Variants in DGKG observed in about 807,000 individuals in gnomAD.
DGKG encodes DAG kinase gamma.
A neutral mutation model predicts 105.3 loss-of-function variants in DGKG; 78 were observed. That is an observed-to-expected ratio of 0.74 (90% CI 0.62 to 0.89). DGKG has a LOEUF of 0.89. DGKG is among the 40% of genes least tolerant of loss of function. The probability of loss-of-function intolerance (pLI) is 0.00; values close to 1 mark genes in which losing one functional copy is unlikely to be tolerated. For missense variants in DGKG, 958 were observed against 1,020.1 expected (o/e 0.94, Z 0.83); for synonymous variants, 346 against 367.1 (o/e 0.94, Z 0.66).
chr3:186,282,564 G>C (rs1418705404), intron 7 of DGKG, among the ~76,000 whole-genome samples: 1 of 152,186 alleles, frequency 6.6e-6, no homozygotes, highest in African/African-American at 2.4e-5. Flanking sequence ...CCAGGCTGGA[G>C]TGCAGTGGCG....
intron 1 of DGKG, among the ~76,000 whole-genome samples, chr3:186,350,207 A>T (rs1726561505): frequency 6.6e-6 from 1 of 152,158 alleles, no homozygotes; most frequent in Non-Finnish European, 1.5e-5. Flanking sequence ...GAACTTTTTC[A>T]TCTTGCAAAA....
intron 20 of DGKG, among the ~76,000 whole-genome samples, chr3:186,221,903 G>C (rs1719601039): frequency 6.6e-6 from 1 of 152,234 alleles, no homozygotes; most frequent in Non-Finnish European, 1.5e-5. Flanking sequence ...GCTGAGCTCT[G>C]CCGGCCCCCA....
intron 19 of DGKG, among the ~76,000 whole-genome samples, chr3:186,245,303 A>G (rs1720887777): frequency 6.6e-6 from 1 of 152,168 alleles, no homozygotes; most frequent in African/African-American, 2.4e-5. Flanking sequence ...ACAAAGTAGC[A>G]AGGGAGAGTA....
intron 21 of DGKG, among the ~76,000 whole-genome samples, chr3:186,206,596 C>A (rs1281741633): frequency 2.0e-5 from 3 of 151,952 alleles, no homozygotes; most frequent in Non-Finnish European, 1.5e-5. Context: ...CTCGCCCCAC[C>A]CCCCACCTGC....
In DGKG at chr3:186,357,261, A is replaced by T. The variant is rs562345675; in HGVS notation, c.-249+4685T>A. On this transcript the variant is annotated intron_variant, in intron 1 of 24. Coordinates refer to ENST00000265022, the MANE Select transcript of DGKG (RefSeq NM_001346.3). ...CTGAGCAAAATTTTGCACTCTTGAT[A>T]TGTGATTCAGAGTCATAAATTATAC... is the stretch of plus-strand genomic sequence containing the variant. Among the ~76,000 whole-genome samples the T allele has an allele frequency of 4.6e-5, 7 of 152,230 alleles. No homozygotes were observed. The East Asian group carries it at 1.4e-3, about 29-fold the overall frequency.
intron 3 of DGKG, among the ~76,000 whole-genome samples, chr3:186,299,518 G>C (rs1334590376): frequency 6.6e-6 from 1 of 152,192 alleles, no homozygotes; most frequent in Non-Finnish European, 1.5e-5. Flanking sequence ...GCTGGACAGA[G>C]GCTCTTACCA....
intron 22 of DGKG, among the ~76,000 whole-genome samples, chr3:186,169,926 GGTGA>G (rs1716741817): frequency 6.6e-6 from 1 of 152,200 alleles, no homozygotes; most frequent in Non-Finnish European, 1.5e-5. Context: ...AAAGGGAGAA[GGTGA>G]GTAAGAGACT....
chr3:186,346,219 T>G (rs904909118), intron 1 of DGKG, among the ~76,000 whole-genome samples: 2 of 152,260 alleles, frequency 1.3e-5, no homozygotes, highest in Non-Finnish European at 2.9e-5. Flanking sequence ...TTGCAGCTAG[T>G]GAATTTTAAT....
intron 20 of DGKG, among the ~76,000 whole-genome samples, chr3:186,232,281 C>A (rs1006940256): frequency 6.6e-6 from 1 of 152,196 alleles, no homozygotes; most frequent in Non-Finnish European, 1.5e-5. Flanking sequence ...CCCTTCATAA[C>A]CTATAAATGC....
intron 23 of DGKG, among the ~76,000 whole-genome samples, chr3:186,163,871 T>A (rs553561032): frequency 6.6e-6 from 1 of 152,112 alleles, no homozygotes; most frequent in South Asian, 2.1e-4. Flanking sequence ...GCCTCAAGAA[T>A]TAATCTGGAA....
intron 20 of DGKG, among the ~76,000 whole-genome samples, chr3:186,213,922 A>C (rs1220175840): frequency 6.6e-6 from 1 of 152,222 alleles, no homozygotes; most frequent in Non-Finnish European, 1.5e-5. Context: ...TGATGGCAAA[A>C]GACTAAGTAA....
At chr3:186,291,895 T>G (rs1000871365) in intron 5 of DGKG, among the ~76,000 whole-genome samples, 1 of 152,178 alleles carries the variant, frequency 6.6e-6, no homozygotes, top group Admixed American at 6.5e-5. Context: ...TTTTGCCAAT[T>G]TACAACTCAA....
rs796912719 is a variant in DGKG at position 186,241,708 on chromosome 3, T to C, written c.1826+796A>G. ...GGAACAGTGTCTGAAATAGTGGTCA[T>C]CTTGAAATAGTACAACAAAGAAAAA... On this transcript the variant is annotated intron_variant, in intron 20 of 24. Coordinates refer to ENST00000265022, the MANE Select transcript of DGKG (RefSeq NM_001346.3). Among the ~76,000 whole-genome samples the C allele has an allele frequency of 2.6e-5, 4 of 152,182 alleles. No homozygotes were observed. In the South Asian group the frequency reaches 6.2e-4, roughly 24 times the overall value.
intron 22 of DGKG, among the ~76,000 whole-genome samples, chr3:186,184,448 G>A (rs1717520672): frequency 6.6e-6 from 1 of 152,150 alleles, no homozygotes; most frequent in African/African-American, 2.4e-5. Context: ...AATCTTTGAT[G>A]GAGTGCAGTG....
intron 22 of DGKG, among the ~76,000 whole-genome samples, chr3:186,173,835 C>G (rs529242872): frequency 2.6e-5 from 4 of 152,244 alleles, no homozygotes; most frequent in Admixed American, 6.5e-5. Context: ...CAGGAACAAA[C>G]GAGTAAAGAA....
intron 21 of DGKG, among the ~76,000 whole-genome samples, chr3:186,201,290 A>G (rs1298271281): frequency 1.3e-5 from 2 of 151,992 alleles, no homozygotes; most frequent in Non-Finnish European, 2.9e-5. Flanking sequence ...ACTTTCCTGC[A>G]GACAAAGCAG....
Position 186,300,117 on chromosome 3 carries a change from G to A in DGKG, c.145-1888C>T, listed in dbSNP as rs1417263381. ...TTCCCAAAGTGCTGGGATTACTGGC[G>A]TGAGGCACCATGCCCAGCCCCTCTT... On this transcript the variant is annotated intron_variant, in intron 3 of 24. Coordinates refer to ENST00000265022, the MANE Select transcript of DGKG (RefSeq NM_001346.3). Among the ~76,000 whole-genome samples, 5 of 152,164 alleles carry A rather than the reference G, an allele frequency of 3.3e-5. No homozygotes were observed. The South Asian group carries it at 8.3e-4, about 25-fold the overall frequency.
At chr3:186,180,404 A>G (rs1717303210) in intron 22 of DGKG, among the ~76,000 whole-genome samples, 2 of 152,134 alleles carry the variant, frequency 1.3e-5, no homozygotes, top group Admixed American at 1.3e-4. Context: ...GTATGTTGCC[A>G]TGGTTACTCC....
In DGKG at chr3:186,260,503, T is replaced by G. The variant is rs1443882244; in HGVS notation, c.1360A>C (p.Lys454Gln). The change falls in exon 16 of 25, where the codon AAA becomes CAA. Residue 454 changes from lysine to glutamine, a missense_variant. Physicochemically the swap from Lys to Gln is moderately conservative, Grantham distance 53. This residue lies in a region of DGKG where 643 missense variants were observed against 619.5 expected (regional missense o/e 1.04). Coordinates refer to ENST00000265022, the MANE Select transcript of DGKG (RefSeq NM_001346.3). ...TTGGGGTTGAGCAGATAGTGGAATT[T>G]CCGAAGAATTCTATGGAAAAAAAAA... is the stretch of plus-strand genomic sequence containing the variant. ...GGRQGERILRKFHYLLNPKQV... is the reference protein window; with the variant it reads ...GGRQGERILRQFHYLLNPKQV... The G allele has an allele frequency of 1.9e-6, 3 of 1,611,804 alleles. No homozygotes were observed. Among genetic ancestry groups the G allele is most frequent in the Non-Finnish European group, 2.5e-6 (3 of 1,178,284 alleles).
Sources: allele counts gnomAD v4.1 joint callset (sites outside exome capture counted in the v4.1 genomes callset), GRCh38; gene constraint gnomAD v4.1.1; regional missense constraint gnomAD v4.1.1; transcripts MANE v1.5; gene names NCBI Gene and HGNC (gene_info 2026-07-23, HGNC 2026-07-21).